The following ZNF251 variants were observed in gnomAD, a reference collection of about 807,000 sequenced individuals.
ZNF251 encodes the protein zinc finger protein 251.
Under a neutral mutation model 13.5 loss-of-function variants are expected in ZNF251, and 14 were observed. The observed-to-expected ratio is 1.04, with a 90% CI of 0.69 to 1.63. ZNF251 has a LOEUF of 1.63. Ranked by LOEUF, ZNF251 falls within the 40% of genes most tolerant of loss-of-function variation. The pLI is 0.00. For missense variants in ZNF251, 764 were observed against 834.9 expected, an observed-to-expected ratio of 0.92 and a Z score of 1.05; for synonymous variants, 287 against 295.2, an observed-to-expected ratio of 0.97 and a Z score of 0.28.
At position 144,722,708 on chromosome 8, in the gene ZNF251, C is replaced by T. The variant is rs1452599818; in HGVS notation, c.952G>A (p.Glu318Lys). 2 of 1,614,012 alleles carry T rather than the reference C, an allele frequency of 1.2e-6. No individual in the cohort carries two copies. Among genetic ancestry groups the T allele is most frequent in the East Asian group, 2.2e-5 (1 of 44,896 alleles). The change falls in exon 5 of 5, where the codon GAG (glutamate) becomes AAG (lysine). Residue 318 changes from glutamate (E) to lysine (K), a missense_variant. Glu to Lys is a moderately conservative substitution (Grantham distance 56). Coordinates refer to ENST00000292562, the MANE Select transcript of ZNF251 (RefSeq NM_138367.2). This position sits in a 1 kb window ranked among gnomAD's most constrained non-coding sequence, Gnocchi z 4.8. ...LIQHRIIHTGEKPYKCNECGR... is the reference protein window; with the variant it reads ...LIQHRIIHTGKKPYKCNECGR... ...CATTCATTACACTTGTAGGGTTTCT[C>T]TCCTGTGTGAATGATCCGATGTTGA...
chr8:144,729,441 A>G (rs963295150), intron 4 of ZNF251, among the ~76,000 whole-genome samples: 4 of 149,576 alleles, frequency 2.7e-5, no homozygotes, highest in African/African-American at 4.9e-5. Context: ...GGTTCACGCC[A>G]TTCTCCTGCC....
At chr8:144,742,105 C>T (rs1295896121) in intron 4 of ZNF251, among the ~76,000 whole-genome samples, 1 of 151,904 alleles carries the variant, frequency 6.6e-6, no homozygotes, top group East Asian at 1.9e-4. Context: ...GGAGAGTGAC[C>T]CACGACACAC....
intron 4 of ZNF251, among the ~76,000 whole-genome samples, chr8:144,723,966 A>G (rs1054051086): frequency 5.9e-5 from 9 of 152,170 alleles, no homozygotes; most frequent in Admixed American, 2.0e-4. Context: ...GGCCAGGGCC[A>G]GGCGCGGTGG....
rs561015967 is a variant in ZNF251 at position 144,752,272 on chromosome 8, T to C, written c.277+1411A>G. Among the ~76,000 whole-genome samples, 10 of 152,194 alleles carry C rather than the reference T, an allele frequency of 6.6e-5. No individual in the cohort carries two copies. The East Asian group carries it at 1.7e-3, about 26-fold the overall frequency. ...TCTTTTTCAGTGCACGTGGTATTTGTACTGGGAGAGACCACATTTGGGGTC... is the reference window on the plus strand; with the variant it reads ...TCTTTTTCAGTGCACGTGGTATTTGCACTGGGAGAGACCACATTTGGGGTC... On this transcript the variant is annotated intron_variant, in intron 4 of 4. Transcript: ENST00000292562.
chr8:144,744,192 A>G (rs1023116263), intron 4 of ZNF251, among the ~76,000 whole-genome samples: 2 of 151,734 alleles, frequency 1.3e-5, no homozygotes, highest in Non-Finnish European at 1.5e-5. Context: ...TTGTATTTTT[A>G]GTAGAGATGG....
At chr8:144,740,753 G>A (rs949741216) in intron 4 of ZNF251, among the ~76,000 whole-genome samples, 1 of 151,838 alleles carries the variant, frequency 6.6e-6, no homozygotes, top group African/African-American at 2.4e-5. Flanking sequence ...GACCAACATG[G>A]TGAAACCCCA....
In ZNF251 at chr8:144,721,029, T is replaced by C. The variant is rs1008668457; in HGVS notation, c.*615A>G. On this transcript the variant is annotated 3_prime_UTR_variant, in exon 5 of 5. Coordinates refer to ENST00000292562, the MANE Select transcript of ZNF251 (RefSeq NM_138367.2). ...GGAGATACTTGGTAGGCCCCTGCTT[T>C]CTTGGCCCCTAAGGTCCCTCTCTCT... is the stretch of plus-strand genomic sequence containing the variant. 1 of 152,784 alleles carries C rather than the reference T, an allele frequency of 6.5e-6. No individual in the cohort carries two copies. The highest frequency in any genetic ancestry group is 2.1e-4 in the South Asian group (1 of 4,846). The allele number at this position is 152,784 out of a possible 1,614,324, so 9.5% of individuals were successfully genotyped here. A position where few individuals can be genotyped will look rare whatever the true frequency, so the allele number is the denominator to read the frequency against.
At chr8:144,732,766 C>A (rs569940532) in intron 4 of ZNF251, among the ~76,000 whole-genome samples, 2 of 146,706 alleles carry the variant, frequency 1.4e-5, no homozygotes, top group Non-Finnish European at 3.0e-5. Context: ...GAGCCAAGAT[C>A]GCACCACTGC....
chr8:144,723,158 C>T lies in ZNF251; in HGVS notation c.502G>A (p.Ala168Thr), dbSNP rs376698441. ...AAAGATCTTTCCCTGCCCACGGTAG[C>T]TTCTGTTAAAACTCTCTTGTGAATA... ...PNIHKRVLTE[A>T]TVGRERSLGE... The change falls in exon 5 of 5, where the codon GCT becomes ACT. Residue 168 changes from alanine to threonine, a missense_variant. Coordinates refer to ENST00000292562, the MANE Select transcript of ZNF251 (RefSeq NM_138367.2). The T allele has an allele frequency of 3.3e-5, 53 of 1,612,820 alleles. No homozygotes were observed. The Middle Eastern group carries it at 8.3e-4, about 25-fold the overall frequency.
intron 4 of ZNF251, 50 bp from the exon 5 acceptor site, chr8:144,723,432 C>T (rs1362936729): frequency 1.5e-6 from 2 of 1,295,722 alleles, no homozygotes; most frequent in East Asian, 5.2e-5. Context: ...TTCCATCAGG[C>T]ATAATGTCCA....
chr8:144,744,009 CTT>C lies in ZNF251; in HGVS notation c.277+9672_277+9673del, dbSNP rs1168495446. Reference sequence around the variant, plus strand: ...GGACTGTTTCTCATTCTCTCGTTGTCTTTTTTTTTTTTTTTTTTTTTGGAGAT... The same window carrying C: ...GGACTGTTTCTCATTCTCTCGTTGTCTTTTTTTTTTTTTTTTTTTGGAGAT... On this transcript the variant is annotated intron_variant, in intron 4 of 4. Transcript: ENST00000292562. Among the ~76,000 whole-genome samples, 422 of 88,810 alleles carry C rather than the reference CTT, an allele frequency of 4.8e-3. 1 individual carries two copies. Among genetic ancestry groups the C allele is most frequent in the African/African-American group, 0.017 (335 of 20,142 alleles). 58.3% of individuals were successfully genotyped at this position (88,810 alleles called of 152,430 possible).
At position 144,754,776 on chromosome 8, in the gene ZNF251, C is replaced by A. The variant is rs778101226; in HGVS notation, c.-48G>T. On this transcript the variant is annotated 5_prime_UTR_variant, in exon 2 of 5. Coordinates refer to ENST00000292562, the MANE Select transcript of ZNF251 (RefSeq NM_138367.2). ...GTTTCCAAGAGAAGACAGGAGACTGCCCTGGCCTGAAGTCTCCCCGAACTT... is the reference window on the plus strand; with the variant it reads ...GTTTCCAAGAGAAGACAGGAGACTGACCTGGCCTGAAGTCTCCCCGAACTT... 5 of 1,602,124 alleles carry A rather than the reference C, an allele frequency of 3.1e-6. No individual in the cohort carries two copies. The highest frequency in any genetic ancestry group is 1.3e-5 in the African/African-American group (1 of 74,880).
chr8:144,728,386 A>G (rs1012155530), intron 4 of ZNF251, among the ~76,000 whole-genome samples: 4 of 152,152 alleles, frequency 2.6e-5, no homozygotes, highest in Non-Finnish European at 5.9e-5. Flanking sequence ...GTTTGAGGCC[A>G]GGCGCAGTAG....
rs1203099040 is a variant in ZNF251, at chr8:144,722,921, T to A, written c.739A>T (p.Thr247Ser). The A allele has an allele frequency of 6.2e-7, 1 of 1,613,992 alleles. No homozygotes were observed. Among genetic ancestry groups the A allele is most frequent in the South Asian group, 1.1e-5 (1 of 91,080 alleles). ...TGCAGAACAAGATTTGAGCTGTGAG[T>A]AAAGGCTCGCCCACACCGGCCACAT... ...YECGRCGRAFTHSSNLVLHHH... is the reference protein window; with the variant it reads ...YECGRCGRAFSHSSNLVLHHH... Residue 247 changes from threonine (T) to serine (S), a missense_variant, in exon 5 of 5, where the codon ACT (threonine) becomes TCT (serine). Transcript: ENST00000292562. This position sits in a 1 kb window ranked among gnomAD's most constrained non-coding sequence, Gnocchi z 4.8.
rs12681812 is a variant in ZNF251, at chr8:144,732,608, G to T, written c.278-9226C>A. Among the ~76,000 whole-genome samples, 1,062 of 151,130 alleles carry T rather than the reference G, an allele frequency of 7.0e-3. 4 individuals carry two copies. Among genetic ancestry groups the T allele is most frequent in the South Asian group, 9.5e-3 (45 of 4,760 alleles). ...CGGGGGAATCACGAGGTCAGGAGAT[G>T]GAGACCATCCTGGCCAACACGGTGA... is the stretch of plus-strand genomic sequence containing the variant. On this transcript the variant is annotated intron_variant, in intron 4 of 4. Transcript: ENST00000292562.
In ZNF251 at chr8:144,755,442, C is replaced by T. The variant is rs1482947218; in HGVS notation, c.-113G>A. On this transcript the variant is annotated 5_prime_UTR_variant, in exon 1 of 5. Transcript: ENST00000292562. ...CCCGGGGAAGCCACCGAGGAAGCGC[C>T]GAGGAGCTGCGCAGTCGCACCGAGC... The T allele has an allele frequency of 3.9e-6, 5 of 1,288,046 alleles. No individual in the cohort carries two copies. Among genetic ancestry groups the T allele is most frequent in the Non-Finnish European group, 5.1e-6 (5 of 988,826 alleles). 79.8% of individuals were successfully genotyped at this position (1,288,046 alleles called of 1,614,324 possible). A position where few individuals can be genotyped will look rare whatever the true frequency, so the allele number is the denominator to read the frequency against.
chr8:144,732,539 G>A (rs35635164), intron 4 of ZNF251, among the ~76,000 whole-genome samples: 14,067 of 152,220 alleles, frequency 0.092, 942 homozygotes, highest in African/African-American at 0.19. Flanking sequence ...CAAGCCGGGC[G>A]CGGTGGCTCA....
In ZNF251 at chr8:144,754,702, C is replaced by A. The variant is rs1269158788; in HGVS notation, c.27G>T (p.Gly9=). ...GGAAGGAGGGTTAACTCACCTGGTG[C>A]CCTGGAAGCTGGAATGTGGCTGCCA... MAATFQLP[G]HQEMPLTFQD... The change falls in exon 2 of 5, where the codon GGG becomes GGT. Residue 9 remains glycine, a synonymous_variant. Coordinates refer to ENST00000292562, the MANE Select transcript of ZNF251 (RefSeq NM_138367.2). 1.9e-6 allele frequency: 3 copies of A among 1,610,120 alleles called. No homozygotes were observed. The Admixed American group carries it at 5.1e-5, about 27-fold the overall frequency.
intron 4 of ZNF251, among the ~76,000 whole-genome samples, chr8:144,737,909 G>A (rs1209951101): frequency 4.6e-5 from 7 of 150,576 alleles, no homozygotes; most frequent in African/African-American, 1.7e-4. Context: ...GGTGCCTTCA[G>A]TAAAATTCTT....
Sources: gnomAD v4.1 joint callset for allele counts (sites outside exome capture counted in the v4.1 genomes callset) on GRCh38, gnomAD v4.1.1 for gene constraint, Gnocchi (gnomAD v3.1) non-coding constraint, MANE v1.5 for transcripts, NCBI Gene and HGNC (gene_info 2026-07-23, HGNC 2026-07-21) for gene names.